Variants in CUX1 observed in about 807,000 individuals in gnomAD.
CUX1 encodes the protein cut like homeobox 1, also known as protein CASP.
Under a neutral mutation model 158.8 loss-of-function variants are expected in CUX1, and 31 were observed. The observed-to-expected ratio is 0.20, with a 90% CI of 0.15 to 0.26. The LOEUF (loss-of-function observed/expected upper bound fraction) is 0.26, where lower values mean the gene tolerates loss of function less well. Among genes scored for constraint, CUX1 ranks in the 10% least tolerant of loss-of-function variants. CUX1 has a pLI of 1.00. For missense variants in CUX1, 1,589 were observed against 2,014.6 expected (o/e 0.79, Z 4.04); for synonymous variants, 879 against 862.1 (o/e 1.02, Z -0.34).
At position 102,256,506 on chromosome 7, in the gene CUX1, G is replaced by T. The variant is rs956722154; in HGVS notation, c.*7464G>T. 22 of 985,246 alleles carry T rather than the reference G, an allele frequency of 2.2e-5. No individual in the cohort carries two copies. Among genetic ancestry groups the T allele is most frequent in the Non-Finnish European group, 2.4e-5 (20 of 829,942 alleles). The allele number at this position is 985,246 out of a possible 1,614,324, so 61.0% of individuals were successfully genotyped here. A position where few individuals can be genotyped will look rare whatever the true frequency, so the allele number is the denominator to read the frequency against. On this transcript the variant is annotated 3_prime_UTR_variant, in exon 24 of 24. Transcript: ENST00000292535. The stretch of plus-strand genomic sequence containing the variant: ...ACCAAGGCGTCTGGGGGATTGACTG[G>T]GGGGCAGAGGGGGTTTCCCCAGCAA...
chr7:102,138,002 G>A (rs1834075873), intron 8 of CUX1, among the ~76,000 whole-genome samples: 2 of 151,744 alleles, frequency 1.3e-5, no homozygotes, highest in Non-Finnish European at 2.9e-5. Flanking sequence ...CCTGGGCAAC[G>A]TAGTGAGATC....
chr7:101,891,825 T>C (rs958032309), intron 1 of CUX1, among the ~76,000 whole-genome samples: 1 of 152,218 alleles, frequency 6.6e-6, no homozygotes, highest in Non-Finnish European at 1.5e-5. Flanking sequence ...TTAAAGAAAT[T>C]GTTATTTTTA....
rs138242668 is a variant in CUX1 at position 101,919,821 on chromosome 7, G to A, written c.141+3596G>A. 4.2e-3 allele frequency among the ~76,000 whole-genome samples: 634 copies of A among 152,326 alleles called. 5 individuals are homozygous for A. Among genetic ancestry groups the A allele is most frequent in the Non-Finnish European group, 6.8e-3 (461 of 68,028 alleles). Reference sequence around the variant, plus strand: ...CTCTAGTCCAGGAGGGAAAAGGTGGGCTGTGACGGGGAGGTGGCCAGGGAG... The same window carrying A: ...CTCTAGTCCAGGAGGGAAAAGGTGGACTGTGACGGGGAGGTGGCCAGGGAG... On this transcript the variant is annotated intron_variant, in intron 2 of 23. Transcript: ENST00000292535.
chr7:102,130,002 A>G (rs1400750969), intron 8 of CUX1, among the ~76,000 whole-genome samples: 1 of 152,224 alleles, frequency 6.6e-6, no homozygotes, highest in African/African-American at 2.4e-5. Context: ...AAAGTTTCCT[A>G]TAGGAAGGCA....
chr7:101,974,546 A>T (rs965292246), intron 2 of CUX1, among the ~76,000 whole-genome samples: 19 of 152,222 alleles, frequency 1.2e-4, no homozygotes, highest in Non-Finnish European at 2.2e-4. Context: ...AGGCTATGAG[A>T]TGAAAGTCAG....
rs1795821252 is a variant in CUX1 at position 102,205,155 on chromosome 7, G to T, written c.3115G>T (p.Gly1039Cys). ...VTSLQDPLQQ[G>C]CVSSESTPKT... The stretch of plus-strand genomic sequence containing the variant: ...ATCGCTCCAGGACCCGCTGCAGCAG[G>T]GCTGTGTGAGCTCAGGTAAGCAGCC... The change falls in exon 20 of 24, where the codon GGC becomes TGC. Residue 1039 changes from glycine to cysteine, a missense_variant. Transcript: ENST00000292535. 1 of 1,611,286 alleles carries T rather than the reference G, an allele frequency of 6.2e-7. No homozygotes were observed. The highest frequency in any genetic ancestry group is 8.5e-7 in the Non-Finnish European group (1 of 1,178,276).
intron 1 of CUX1, among the ~76,000 whole-genome samples, chr7:101,900,340 G>A (rs1043436044): frequency 5.9e-5 from 9 of 152,246 alleles, no homozygotes; most frequent in Admixed American, 1.3e-4. Context: ...AGGAGGCAGC[G>A]AAGGAATCAC....
In CUX1 at chr7:102,195,526, A is replaced by G; in HGVS notation, c.1145A>G (p.Glu382Gly). ...AGTQDAAKPL[E>G]VLLLEKNRSL... ...TTCTAGGATGCGGCCAAGCCCCTGGAGGTGCTGTTGCTGGAGAAGAACCGC... is the reference window on the plus strand; with the variant it reads ...TTCTAGGATGCGGCCAAGCCCCTGGGGGTGCTGTTGCTGGAGAAGAACCGC... Residue 382 changes from glutamate (E) to glycine (G), a missense_variant, in exon 14 of 24, where the codon GAG (glutamate) becomes GGG (glycine). By Grantham distance (98) the Glu-to-Gly change is moderately conservative. Around this residue, in one of 8 missense-constraint regions of CUX1, gnomAD observed 515 missense variants for 574.4 expected, o/e 0.90. Transcript: ENST00000292535. The G allele has an allele frequency of 1.2e-6, 2 of 1,612,646 alleles. No individual in the cohort carries two copies. The highest frequency in any genetic ancestry group is 1.3e-5 in the African/African-American group (1 of 75,038).
Position 102,237,951 on chromosome 7 carries a change from G to A in CUX1, c.3623-1369G>A, listed in dbSNP as rs558657325. Among the ~76,000 whole-genome samples, 9 of 152,308 alleles carry A rather than the reference G, an allele frequency of 5.9e-5. No individual in the cohort carries two copies. The South Asian group carries it at 1.9e-3, about 32-fold the overall frequency. ...GCAGCCGAGGCAGAGAGAGAGAGGA[G>A]ACAAAGAGAGAAACAACCTACACCA... On this transcript the variant is annotated intron_variant, in intron 22 of 23. Transcript: ENST00000292535.
At chr7:102,097,541 T>TC in intron 5 of CUX1, 40 bp downstream of exon 5, 1 of 1,499,294 alleles carries the variant, frequency 6.7e-7, no homozygotes, top group East Asian at 2.3e-5. Context: ...CTTTTCTTCT[T>TC]TTTTTTCTCT....
At chr7:101,963,249 G>T (rs1035507876) in intron 2 of CUX1, among the ~76,000 whole-genome samples, 14 of 152,086 alleles carry the variant, frequency 9.2e-5, no homozygotes, top group Non-Finnish European at 1.8e-4. Flanking sequence ...CCTGTATTTG[G>T]CTCGCCTGTC....
intron 1 of CUX1, among the ~76,000 whole-genome samples, chr7:101,910,585 C>G (rs1803313032): frequency 1.3e-5 from 2 of 152,008 alleles, no homozygotes; most frequent in Admixed American, 6.6e-5. Flanking sequence ...GCGAAACCCC[C>G]TCTCTACTAA....
At chr7:102,197,517 A>C (rs2131988546) in intron 15 of CUX1, among the ~76,000 whole-genome samples, 1 of 152,236 alleles carries the variant, frequency 6.6e-6, no homozygotes, top group African/African-American at 2.4e-5. Flanking sequence ...TTTGAAACGC[A>C]CTCAGCACTC....
chr7:102,262,410 G>GGATGGATGGATGGAT (rs1554544108), downstream of CUX1, among the ~76,000 whole-genome samples: 3 of 151,792 alleles, frequency 2.0e-5, no homozygotes, highest in Admixed American at 6.6e-5. Flanking sequence ...ATGGATGGAT[G>GGATGGATGGATGGAT]GATGGATGGA....
At chr7:102,169,100 A>G (rs1221766969) in intron 9 of CUX1, among the ~76,000 whole-genome samples, 2 of 150,064 alleles carry the variant, frequency 1.3e-5, no homozygotes, top group African/African-American at 4.9e-5. Flanking sequence ...TGCCCAGCTC[A>G]TTTTGTGTTT....
chr7:101,887,837 G>A (rs923655857), intron 1 of CUX1, among the ~76,000 whole-genome samples: 8 of 129,164 alleles, frequency 6.2e-5, no homozygotes, highest in African/African-American at 9.6e-5. Context: ...TGGTGATGAC[G>A]GTGACATTTT....
intron 2 of CUX1, among the ~76,000 whole-genome samples, chr7:102,008,445 C>G (rs1212673813): frequency 6.6e-6 from 1 of 152,062 alleles, no homozygotes; most frequent in Non-Finnish European, 1.5e-5. Context: ...TCCTTGGGCC[C>G]CCGTTGTAGG....
In CUX1 at chr7:102,230,454, C is replaced by T. The variant is rs564458755; in HGVS notation, c.3433+2785C>T. On this transcript the variant is annotated intron_variant, in intron 21 of 23. Transcript: ENST00000292535. ...GAGCCACGGTGGCATCACTGCACTC[C>T]AGCCTGGGCAACAGAGCAAGACACT... Among the ~76,000 whole-genome samples, 531 of 149,574 alleles carry T rather than the reference C, an allele frequency of 3.6e-3. 1 individual carries two copies. The highest frequency in any genetic ancestry group is 6.8e-3 in the Middle Eastern group (2 of 292).
At chr7:102,133,179 G>T (rs1563290010) in intron 8 of CUX1, among the ~76,000 whole-genome samples, 1 of 152,140 alleles carries the variant, frequency 6.6e-6, no homozygotes, top group Non-Finnish European at 1.5e-5. Context: ...ATCACAGCAT[G>T]ATGCACAAGG....
Sources: gnomAD v4.1 joint callset for allele counts (sites outside exome capture counted in the v4.1 genomes callset) on GRCh38, gnomAD v4.1.1 for gene constraint, gnomAD v4.1.1 regional missense constraint, MANE v1.5 for transcripts, NCBI Gene and HGNC (gene_info 2026-07-23, HGNC 2026-07-21) for gene names.